The following FANCA variants were observed in gnomAD, a reference collection of about 807,000 sequenced individuals.
FANCA encodes the protein Fanconi anemia group A protein.
FANCA carries 236 observed loss-of-function variants against 194.3 expected under a neutral mutation model. That is an observed-to-expected ratio of 1.21 (90% CI 1.09 to 1.35). The LOEUF (loss-of-function observed/expected upper bound fraction) is 1.35, where lower values mean the gene tolerates loss of function less well. Ranked by LOEUF, FANCA falls within the 40% of genes most tolerant of loss-of-function variation. The pLI, the probability that FANCA is intolerant of heterozygous loss-of-function variation, is 0.00. For synonymous variants in FANCA, 1,014 were observed against 715.8 expected, an observed-to-expected ratio of 1.42 and a Z score of -6.65; for missense variants, 2,628 against 1,813.9, an observed-to-expected ratio of 1.45 and a Z score of -8.15.
intron 19 of FANCA, 35 bp from the exon 20 acceptor site, chr16:89,778,885 A>G: frequency 6.2e-7 from 1 of 1,613,798 alleles, no homozygotes; most frequent in Non-Finnish European, 8.5e-7. Context: ...AGAGACTGAC[A>G]AGGAAAGTCC....
intron 27 of FANCA, among the ~76,000 whole-genome samples, chr16:89,766,023 G>A (rs1465751978): frequency 6.6e-6 from 1 of 151,196 alleles, no homozygotes; most frequent in East Asian, 1.9e-4. Flanking sequence ...TTGAGGTGGA[G>A]TCTCGCTCTG....
At chr16:89,754,531 C>T (rs1395477674) in intron 30 of FANCA, among the ~76,000 whole-genome samples, 1 of 152,106 alleles carries the variant, frequency 6.6e-6, no homozygotes, top group South Asian at 2.1e-4. Context: ...CCACGATGCC[C>T]GGCTAATTTT....
At chr16:89,807,000 C>G (rs893009215) in intron 6 of FANCA, among the ~76,000 whole-genome samples, 2 of 152,020 alleles carry the variant, frequency 1.3e-5, no homozygotes, top group Non-Finnish European at 2.9e-5. Context: ...ACCTCCCTCC[C>G]GGACGGGGCG....
At chr16:89,738,743 C>T (rs1456541808) in intron 42 of FANCA, 35 bp from the exon 43 acceptor site, 13 of 1,612,834 alleles carry the variant, frequency 8.1e-6, no homozygotes, top group South Asian at 3.3e-5. Flanking sequence ...GCCCATGCCG[C>T]CCACTAGGCC....
At position 89,740,184 on chromosome 16, in the gene FANCA, G is replaced by T. The variant is rs533678532; in HGVS notation, c.3829-85C>A. Reference sequence around the variant, plus strand: ...GGGTACAGCCCTCAGCACAGAAGAGGGCATTTCCTCTTTGCTTATTGTAAG... The same window carrying T: ...GGGTACAGCCCTCAGCACAGAAGAGTGCATTTCCTCTTTGCTTATTGTAAG... On this transcript the variant is annotated intron_variant, in intron 38 of 42. Transcript: ENST00000389301. The T allele has an allele frequency of 2.8e-6, 3 of 1,060,410 alleles. No homozygotes were observed. In the African/African-American group the frequency reaches 4.7e-5, roughly 16 times the overall value. 65.7% of individuals were successfully genotyped at this position (1,060,410 alleles called of 1,614,324 possible). A position where few individuals can be genotyped will look rare whatever the true frequency, so the allele number is the denominator to read the frequency against.
chr16:89,812,661 A>AAC lies in FANCA; in HGVS notation c.284-1591_284-1590insGT, dbSNP rs1567655747. ...TACTCCGTCTCAAAAAAAAAAAAAA[A>AAC]AAAAAAAAACTGTTAACTGCAGTAC... On this transcript the variant is annotated intron_variant, in intron 3 of 42. Transcript: ENST00000389301. Among the ~76,000 whole-genome samples the AAC allele has an allele frequency of 3.6e-4, 54 of 150,818 alleles. 1 individual carries two copies. The highest frequency in any genetic ancestry group is 2.6e-3 in the South Asian group (12 of 4,698).
chr16:89,761,373 C>T (rs577079629), intron 29 of FANCA, among the ~76,000 whole-genome samples: 5 of 147,300 alleles, frequency 3.4e-5, no homozygotes, highest in South Asian at 4.4e-4. Flanking sequence ...GAGCCGAGAT[C>T]GCGCCACTGC....
intron 36 of FANCA, chr16:89,744,691 C>A: frequency 2.1e-6 from 1 of 471,412 alleles, no homozygotes. Context: ...TTTTTCTGGA[C>A]AGAGTCTTGC....
In FANCA at chr16:89,814,583, G is replaced by A; in HGVS notation, c.220C>T (p.Leu74Phe). ...VEGPLCKKLSLSKVIDCDSSE... is the reference protein window; with the variant it reads ...VEGPLCKKLSFSKVIDCDSSE... ...CTGTCACAGTCAATCACTTTGCTGA[G>A]AGACAATTTTTTACACAGTGGACCT... is the stretch of plus-strand genomic sequence containing the variant. Residue 74 changes from leucine to phenylalanine, a missense_variant, in exon 3 of 43, where the codon CTC becomes TTC. Physicochemically the swap from Leu to Phe is conservative, Grantham distance 22. Coordinates refer to ENST00000389301, the MANE Select transcript of FANCA (RefSeq NM_000135.4). The A allele has an allele frequency of 1.2e-6, 2 of 1,613,906 alleles. No homozygotes were observed. The highest frequency in any genetic ancestry group is 8.5e-7 in the Non-Finnish European group (1 of 1,179,812).
intron 38 of FANCA, 170 bp from the exon 39 acceptor site, chr16:89,740,269 G>T (rs1470008048): frequency 1.5e-5 from 10 of 659,386 alleles, no homozygotes; most frequent in Non-Finnish European, 2.7e-5. Context: ...GGACAGAAGA[G>T]GCTCAGGTAG....
intron 5 of FANCA, 158 bp downstream of exon 5, chr16:89,810,549 T>G (rs1166540416): frequency 1.5e-6 from 1 of 663,104 alleles, no homozygotes; most frequent in Admixed American, 2.4e-5. Flanking sequence ...TTCTTTCCAA[T>G]CCACAGATGA....
Position 89,769,821 on chromosome 16 carries a change from T to G in FANCA, c.2504+16A>C, listed in dbSNP as rs1012147159. The G allele has an allele frequency of 1.2e-6, 2 of 1,613,740 alleles. No homozygotes were observed. Among genetic ancestry groups the G allele is most frequent in the African/African-American group, 2.7e-5 (2 of 74,902 alleles). On this transcript the variant is annotated intron_variant, in intron 26 of 42. Coordinates refer to ENST00000389301, the MANE Select transcript of FANCA (RefSeq NM_000135.4). ...AGAGAGAGGAGAGAAGACGCGACTG[T>G]GGAAGAAGAGCTCACTTCAGGCAGA... is the stretch of plus-strand genomic sequence containing the variant.
chr16:89,801,907 A>G lies in FANCA; in HGVS notation c.792+1352T>C, dbSNP rs950071102. 2.0e-5 allele frequency among the ~76,000 whole-genome samples: 3 copies of G among 151,300 alleles called. No individual in the cohort carries two copies. The South Asian group carries it at 6.3e-4, about 32-fold the overall frequency. On this transcript the variant is annotated intron_variant, in intron 8 of 42. Transcript: ENST00000389301. ...CGTCTCAAAAAAACACAAAAAAACA[A>G]AAAAAAAACCAGAACTGCCATATGA...
intron 23 of FANCA, among the ~76,000 whole-genome samples, chr16:89,771,468 A>G (rs779555891): frequency 2.0e-5 from 3 of 152,148 alleles, no homozygotes; most frequent in Non-Finnish European, 4.4e-5. Context: ...CCAAAATTAA[A>G]TAAATAAATA....
intron 38 of FANCA, 53 bp downstream of exon 38, chr16:89,740,738 GCTGCCTGGTGCCC>G (rs2062111703): frequency 2.1e-6 from 3 of 1,398,366 alleles, no homozygotes; most frequent in Non-Finnish European, 3.0e-6. Flanking sequence ...TTGGAAGCTG[GCTGCCTGGTGCCC>G]CTGCCTGGCC....
chr16:89,756,068 G>A (rs529368187), intron 30 of FANCA, among the ~76,000 whole-genome samples: 5 of 152,168 alleles, frequency 3.3e-5, no homozygotes, highest in South Asian at 2.1e-4. Flanking sequence ...GAAAAGGTAC[G>A]GTAAAAACAC....
At chr16:89,773,894 C>T (rs1035482186) in intron 21 of FANCA, among the ~76,000 whole-genome samples, 5 of 151,854 alleles carry the variant, frequency 3.3e-5, no homozygotes, top group South Asian at 4.2e-4. Flanking sequence ...CTCAGCCTCC[C>T]GAGTAGCTGG....
At chr16:89,787,628 CG>C (rs1231485965) in intron 14 of FANCA, among the ~76,000 whole-genome samples, 1 of 151,818 alleles carries the variant, frequency 6.6e-6, no homozygotes, top group Non-Finnish European at 1.5e-5. Flanking sequence ...CTCAGCTGCT[CG>C]GGAAGTTGAG....
intron 37 of FANCA, among the ~76,000 whole-genome samples, chr16:89,741,312 G>A (rs1420860533): frequency 2.0e-5 from 3 of 152,230 alleles, no homozygotes; most frequent in East Asian, 1.9e-4. Context: ...AGGCCCTGGA[G>A]CCACTAAAAT....
Sources: allele counts gnomAD v4.1 joint callset (sites outside exome capture counted in the v4.1 genomes callset), GRCh38; gene constraint gnomAD v4.1.1; transcripts MANE v1.5; gene names NCBI Gene and HGNC (gene_info 2026-07-23, HGNC 2026-07-21).